The following CLEC5A variants were observed in gnomAD, a reference collection of about 807,000 sequenced individuals.
CLEC5A encodes C-type lectin domain containing 5A.
In CLEC5A, 15 loss-of-function variants were observed where a neutral mutation model predicts 24.4. That is an observed-to-expected ratio of 0.62 (90% CI 0.41 to 0.95). The LOEUF is 0.95. CLEC5A is among the 40% of genes least tolerant of loss of function. The pLI, the probability that CLEC5A is intolerant of heterozygous loss-of-function variation, is 0.00. For missense variants in CLEC5A, 211 were observed against 224.0 expected (o/e 0.94, Z 0.37); for synonymous variants, 71 against 72.6 (o/e 0.98, Z 0.11).
rs1802944004 is a variant in CLEC5A at position 141,946,047 on chromosome 7, T to C, written c.79+167A>G. On this transcript the variant is annotated intron_variant, in intron 2 of 6. Coordinates refer to ENST00000546910, the MANE Select transcript of CLEC5A (RefSeq NM_013252.3). ...ACCAAGGAGCCTGGGCCACTGTGTG[T>C]GCTGGGGAGTGAGAAAGGCATTGCC... 7.5e-6 allele frequency: 5 copies of C among 664,782 alleles called. No individual in the cohort carries two copies. The South Asian group carries it at 9.6e-5, about 13-fold the overall frequency. 41.2% of individuals were successfully genotyped at this position (664,782 alleles called of 1,614,324 possible). A position where few individuals can be genotyped will look rare whatever the true frequency, so the allele number is the denominator to read the frequency against.
intron 4 of CLEC5A, among the ~76,000 whole-genome samples, chr7:141,939,519 A>C (rs920971010): frequency 2.6e-5 from 4 of 152,156 alleles, no homozygotes; most frequent in Non-Finnish European, 5.9e-5. Flanking sequence ...GAAAGAAAGA[A>C]GGAAGAGAAG....
chr7:141,946,565 T>C (rs1802964753), intron 1 of CLEC5A, among the ~76,000 whole-genome samples: 1 of 152,224 alleles, frequency 6.6e-6, no homozygotes. Context: ...AGCCTTGCCC[T>C]ATTTGTGGCC....
chr7:141,944,459 C>G (rs1437316841), intron 3 of CLEC5A, among the ~76,000 whole-genome samples: 1 of 152,110 alleles, frequency 6.6e-6, no homozygotes, highest in African/African-American at 2.4e-5. Flanking sequence ...TGTATTAGCT[C>G]TAAGGATTGA....
chr7:141,933,686 T>C (rs1802534611), intron 5 of CLEC5A, among the ~76,000 whole-genome samples: 1 of 150,640 alleles, frequency 6.6e-6, no homozygotes, highest in Non-Finnish European at 1.5e-5. Context: ...AAAGGTATAA[T>C]TGACCTGCCG....
chr7:141,934,915 G>A (rs559558406), intron 5 of CLEC5A, among the ~76,000 whole-genome samples: 30 of 152,218 alleles, frequency 2.0e-4, no homozygotes, highest in Middle Eastern at 3.4e-3. Context: ...AAAACTTAAT[G>A]GGTGTGGCAG....
At position 141,930,080 on chromosome 7, in the gene CLEC5A, A is replaced by G; in HGVS notation, c.*24T>C. The G allele has an allele frequency of 1.3e-6, 2 of 1,559,284 alleles. No individual in the cohort carries two copies. Among genetic ancestry groups the G allele is most frequent in the Non-Finnish European group, 8.8e-7 (1 of 1,131,386 alleles). The stretch of plus-strand genomic sequence containing the variant: ...TGGATTCAAAAAGAGTTGCAAGTAT[A>G]GTTCTTGTCACAGGGAACTGTGATC... On this transcript the variant is annotated 3_prime_UTR_variant, in exon 7 of 7. Coordinates refer to ENST00000546910, the MANE Select transcript of CLEC5A (RefSeq NM_013252.3).
chr7:141,933,575 C>CATATATATATAT (rs3043785), intron 5 of CLEC5A, among the ~76,000 whole-genome samples: 96 of 115,202 alleles, frequency 8.3e-4, no homozygotes, highest in African/African-American at 3.0e-3. Context: ...AGGGAGCAGG[C>CATATATATATAT]ATATATATAT....
At chr7:141,938,718 TGAAAG>T (rs1171534415) in intron 4 of CLEC5A, among the ~76,000 whole-genome samples, 1 of 152,072 alleles carries the variant, frequency 6.6e-6, no homozygotes, top group Non-Finnish European at 1.5e-5. Context: ...TCAAGGATAA[TGAAAG>T]GATCCTAAAA....
intron 4 of CLEC5A, among the ~76,000 whole-genome samples, chr7:141,941,063 T>C (rs1298201366): frequency 2.6e-5 from 4 of 152,114 alleles, no homozygotes; most frequent in Admixed American, 6.6e-5. Context: ...GAGGGAATAC[T>C]TCGAAATTTA....
intron 6 of CLEC5A, among the ~76,000 whole-genome samples, chr7:141,930,773 G>A (rs1440620976): frequency 1.3e-5 from 2 of 152,172 alleles, no homozygotes; most frequent in African/African-American, 4.8e-5. Context: ...CTAGCTTTAT[G>A]ATATTTAACA....
Position 141,944,088 on chromosome 7 carries a change from G to A in CLEC5A, c.140-124C>T. On this transcript the variant is annotated intron_variant, in intron 3 of 6. Coordinates refer to ENST00000546910, the MANE Select transcript of CLEC5A (RefSeq NM_013252.3). ...GACAAGAAGCTCTTGGCCACTCTGA[G>A]CTAGAACATTTCAAATAATTTCTTT... 6 of 616,226 alleles carry A rather than the reference G, an allele frequency of 9.7e-6. No homozygotes were observed. The Admixed American group carries it at 1.2e-4, about 13-fold the overall frequency. 38.2% of individuals were successfully genotyped at this position (616,226 alleles called of 1,614,324 possible).
chr7:141,936,222 A>T (rs1408840381), intron 4 of CLEC5A: 1 of 448,336 alleles, frequency 2.2e-6, no homozygotes, highest in East Asian at 4.6e-5. Context: ...TCTACACACA[A>T]AAAAGCACAT....
chr7:141,941,461 A>G (rs1296415049), intron 4 of CLEC5A, among the ~76,000 whole-genome samples: 1 of 152,138 alleles, frequency 6.6e-6, no homozygotes, highest in East Asian at 1.9e-4. Flanking sequence ...ACAGACCTAC[A>G]GCCAGCATAT....
intron 4 of CLEC5A, among the ~76,000 whole-genome samples, chr7:141,938,824 C>T (rs1407882865): frequency 6.6e-6 from 1 of 152,098 alleles, no homozygotes; most frequent in Non-Finnish European, 1.5e-5. Flanking sequence ...GGATGTTCCC[C>T]AAGTGGAAAT....
intron 1 of CLEC5A, 85 bp from the exon 2 acceptor site, chr7:141,946,397 T>C: frequency 7.9e-7 from 1 of 1,260,156 alleles, no homozygotes; most frequent in Non-Finnish European, 1.1e-6. Context: ...TCGCTCAGAG[T>C]ACCCAAAGCA....
chr7:141,935,770 T>A (rs1554440986), intron 5 of CLEC5A, 44 bp downstream of exon 5: 2 of 1,596,066 alleles, frequency 1.3e-6, no homozygotes, highest in Non-Finnish European at 1.7e-6. Flanking sequence ...CCACTGAGGC[T>A]GTGTGGAGTG....
rs1802387267 is a variant in CLEC5A, at chr7:141,929,477, C to G, written c.*627G>C. 6.6e-6 allele frequency: 1 copy of G among 152,174 alleles called. No homozygotes were observed. Among genetic ancestry groups the G allele is most frequent in the African/African-American group, 2.4e-5 (1 of 41,410 alleles). The allele number at this position is 152,174 out of a possible 1,614,324, so 9.4% of individuals were successfully genotyped here. A position where few individuals can be genotyped will look rare whatever the true frequency, so the allele number is the denominator to read the frequency against. On this transcript the variant is annotated 3_prime_UTR_variant, in exon 7 of 7. Coordinates refer to ENST00000546910, the MANE Select transcript of CLEC5A (RefSeq NM_013252.3). ...ACAGAAATCTAGTGTGTTTGGCTCC[C>G]TTGGCTGCCTGGTTTTCTTCAAAGG... is the stretch of plus-strand genomic sequence containing the variant.
rs113039200 is a variant in CLEC5A at position 141,943,080 on chromosome 7, C to G, written c.208+816G>C. On this transcript the variant is annotated intron_variant, in intron 4 of 6. Transcript: ENST00000546910. ...CAGCAATTACACTCTTAAGTATAGGCCCAAAAGAAAGGAAATCAGTATATT... is the reference window on the plus strand; with the variant it reads ...CAGCAATTACACTCTTAAGTATAGGGCCAAAAGAAAGGAAATCAGTATATT... 4.3e-3 allele frequency among the ~76,000 whole-genome samples: 659 copies of G among 152,162 alleles called. 5 individuals carry two copies. Among genetic ancestry groups the G allele is most frequent in the African/African-American group, 0.015 (633 of 41,506 alleles).
chr7:141,940,401 A>C (rs1478735242), intron 4 of CLEC5A, among the ~76,000 whole-genome samples: 1 of 151,916 alleles, frequency 6.6e-6, no homozygotes, highest in African/African-American at 2.4e-5. Flanking sequence ...TAATGAAAAC[A>C]CAACATACTG....
Sources: gnomAD v4.1 joint callset for allele counts (sites outside exome capture counted in the v4.1 genomes callset) on GRCh38, gnomAD v4.1.1 for gene constraint, MANE v1.5 for transcripts, NCBI Gene and HGNC (gene_info 2026-07-23, HGNC 2026-07-21) for gene names.